Variants in ACACA observed in about 807,000 individuals in gnomAD.
ACACA encodes the protein acetyl-CoA carboxylase 1.
ACACA carries 103 observed loss-of-function variants against 296.1 expected under a neutral mutation model. The observed-to-expected ratio is 0.35, with a 90% confidence interval of 0.30 to 0.41. ACACA has a LOEUF of 0.41. ACACA is among the 10% of genes least tolerant of loss of function. The pLI is 1.00. For missense variants in ACACA, 1,554 were observed against 2,989.7 expected (o/e 0.52, Z 11.20); for synonymous variants, 953 against 1,038.6 (o/e 0.92, Z 1.58).
intron 41 of ACACA, among the ~76,000 whole-genome samples, chr17:37,165,471 G>C (rs927114790): frequency 4.6e-5 from 7 of 152,094 alleles, no homozygotes; most frequent in African/African-American, 7.2e-5. Context: ...CCATGGGTTT[G>C]ATAAACACAC....
chr17:37,365,612 G>A, intron 1 of ACACA: 1 of 985,374 alleles, frequency 1.0e-6, no homozygotes, highest in Non-Finnish European at 1.2e-6. Context: ...AGAAAAATAA[G>A]ACACAAAGTC....
intron 16 of ACACA, 64 bp from the exon 17 acceptor site, chr17:37,248,738 A>G: frequency 8.5e-7 from 1 of 1,174,286 alleles, no homozygotes; most frequent in South Asian, 1.2e-5. Context: ...AATCTAAAAC[A>G]TTATTGATTG....
chr17:37,241,535 G>A (rs1278027845), intron 23 of ACACA, among the ~76,000 whole-genome samples: 1 of 151,910 alleles, frequency 6.6e-6, no homozygotes, highest in Non-Finnish European at 1.5e-5. Flanking sequence ...CAAAACCCCA[G>A]CTCTTCTAAA....
intron 50 of ACACA, among the ~76,000 whole-genome samples, chr17:37,114,328 G>A (rs1186020951): frequency 6.6e-6 from 1 of 151,872 alleles, no homozygotes; most frequent in Non-Finnish European, 1.5e-5. Context: ...GACCGCTTGA[G>A]CCCAGGAGTT....
rs2078572381 is a variant in ACACA at position 37,207,775 on chromosome 17, G to T, written c.3733C>A (p.His1245Asn). The T allele has an allele frequency of 6.2e-7, 1 of 1,613,992 alleles. No homozygotes were observed. The highest frequency in any genetic ancestry group is 2.2e-5 in the East Asian group (1 of 44,874). ...NRMSFSSNLN[H>N]YGMTHVASVS... Reference sequence around the variant, plus strand: ...CTAGCTACATGGGTCATGCCATAGTGGTTGAGGTTGGAGGAGAAGGACATT... The same window carrying T: ...CTAGCTACATGGGTCATGCCATAGTTGTTGAGGTTGGAGGAGAAGGACATT... The change falls in exon 31 of 56, where the codon CAC becomes AAC. Residue 1245 changes from histidine (H) to asparagine (N), a missense_variant. Transcript: ENST00000616317.
At chr17:37,241,241 T>TA (rs1236004996) in intron 23 of ACACA, among the ~76,000 whole-genome samples, 1 of 151,930 alleles carries the variant, frequency 6.6e-6, no homozygotes, top group Non-Finnish European at 1.5e-5. Flanking sequence ...GCTCTGTGAA[T>TA]ATCCCTTTAG....
intron 19 of ACACA, among the ~76,000 whole-genome samples, chr17:37,246,331 G>C (rs1218857909): frequency 6.6e-6 from 1 of 152,084 alleles, no homozygotes; most frequent in Non-Finnish European, 1.5e-5. Flanking sequence ...TTCCTCATTT[G>C]CCTATGTGTT....
chr17:37,293,511 TCAA>T (rs2083174649), intron 3 of ACACA, among the ~76,000 whole-genome samples: 1 of 151,474 alleles, frequency 6.6e-6, no homozygotes, highest in Admixed American at 6.6e-5. Flanking sequence ...ACCCAGATAT[TCAA>T]TGAGCATCAA....
chr17:37,135,912 CTT>C (rs746761290), intron 45 of ACACA, among the ~76,000 whole-genome samples: 23 of 137,608 alleles, frequency 1.7e-4, no homozygotes, highest in Admixed American at 3.7e-4. Context: ...AACAGGAATT[CTT>C]TTTTTTTTTT....
rs751020783 is a variant in ACACA at position 37,087,183 on chromosome 17, C to G, written c.*133G>C. On this transcript the variant is annotated 3_prime_UTR_variant, in exon 56 of 56. Coordinates refer to ENST00000616317, the MANE Select transcript of ACACA (RefSeq NM_198834.3). ...CCAGGATGTCATGCATAACCTGAAA[C>G]GAGAGGAAGTAAAATGCCATTTGAC... is the stretch of plus-strand genomic sequence containing the variant. 4.7e-6 allele frequency: 6 copies of G among 1,268,918 alleles called. No homozygotes were observed. The East Asian group carries it at 1.4e-4, about 30-fold the overall frequency. The allele number at this position is 1,268,918 out of a possible 1,614,324, so 78.6% of individuals were successfully genotyped here. A position where few individuals can be genotyped will look rare whatever the true frequency, so the allele number is the denominator to read the frequency against.
chr17:37,380,877 T>C (rs1477515807), intron 1 of ACACA, among the ~76,000 whole-genome samples: 1 of 151,296 alleles, frequency 6.6e-6, no homozygotes, highest in African/African-American at 2.4e-5. Context: ...ATTACAGGCG[T>C]GAGCCACCGT....
chr17:37,251,670 T>A (rs745396083), intron 16 of ACACA, among the ~76,000 whole-genome samples: 1 of 152,242 alleles, frequency 6.6e-6, no homozygotes, highest in Non-Finnish European at 1.5e-5. Context: ...TAGGGTTCAG[T>A]GCTAGGGAGA....
intron 1 of ACACA, among the ~76,000 whole-genome samples, chr17:37,369,647 GA>G (rs375880674): frequency 0.011 from 1,615 of 144,092 alleles, 28 homozygotes; most frequent in African/African-American, 0.038. Flanking sequence ...CCCATTTCTA[GA>G]AAAAAAAAAA....
chr17:37,337,914 G>A (rs1432443368), intron 2 of ACACA, among the ~76,000 whole-genome samples: 1 of 151,860 alleles, frequency 6.6e-6, no homozygotes, highest in Non-Finnish European at 1.5e-5. Context: ...TGGCTAACAT[G>A]GTGAAACCCC....
At chr17:37,381,898 AT>A (rs1213876635) in intron 1 of ACACA, among the ~76,000 whole-genome samples, 2 of 152,090 alleles carry the variant, frequency 1.3e-5, no homozygotes, top group African/African-American at 2.4e-5. Flanking sequence ...AAGTGCTGGG[AT>A]TACAGGCGTG....
intron 3 of ACACA, among the ~76,000 whole-genome samples, chr17:37,312,902 G>T (rs2084230897): frequency 6.6e-6 from 1 of 151,896 alleles, no homozygotes; most frequent in South Asian, 2.1e-4. Context: ...ATATATAAAG[G>T]GAAAAAATAT....
At chr17:37,174,414 G>A (rs1021446501) in intron 41 of ACACA, among the ~76,000 whole-genome samples, 6 of 152,082 alleles carry the variant, frequency 3.9e-5, no homozygotes, top group Non-Finnish European at 8.8e-5. Context: ...CTGCTGAGAA[G>A]GAAAAACCCT....
rs780982029 is a variant in ACACA at position 37,259,435 on chromosome 17, C to T, written c.1425G>A (p.Leu475=). The change falls in exon 12 of 56, where the codon TTG becomes TTA. Residue 475 remains leucine (L), a synonymous_variant. Transcript: ENST00000616317. ...GGTGCTCTACCTGCAGCCGAGGATTCAATTCCAGAAAGTAGAAGCTGCCAT... is the reference window on the plus strand; with the variant it reads ...GGTGCTCTACCTGCAGCCGAGGATTTAATTCCAGAAAGTAGAAGCTGCCAT... ...SQDGSFYFLE[L]NPRLQVEHPC... is the part of the protein sequence containing the mutation. The T allele has an allele frequency of 1.9e-6, 3 of 1,614,196 alleles. No homozygotes were observed. Among genetic ancestry groups the T allele is most frequent in the East Asian group, 2.2e-5 (1 of 44,882 alleles).
intron 40 of ACACA, 70 bp downstream of exon 40, chr17:37,181,131 G>T (rs527819479): frequency 1.3e-4 from 197 of 1,565,092 alleles, no homozygotes; most frequent in Non-Finnish European, 1.6e-4. Context: ...AGCCAAAACC[G>T]CATCTGATGG....
Sources: gnomAD v4.1 joint callset for allele counts (sites outside exome capture counted in the v4.1 genomes callset) on GRCh38, gnomAD v4.1.1 for gene constraint, MANE v1.5 for transcripts, NCBI Gene and HGNC (gene_info 2026-07-23, HGNC 2026-07-21) for gene names.